Variants in DIAPH2 observed in about 807,000 individuals in gnomAD.
DIAPH2 encodes the protein protein diaphanous homolog 2.
DIAPH2 carries 35 observed loss-of-function variants against 92.7 expected under a neutral mutation model. That is an observed-to-expected ratio of 0.38 (90% CI 0.29 to 0.50). DIAPH2 has a LOEUF of 0.50. Ranked by LOEUF, DIAPH2 falls within the 20% of genes least tolerant of loss-of-function variation. The probability of loss-of-function intolerance (pLI) is 0.94; values close to 1 mark genes in which losing one functional copy is unlikely to be tolerated. For synonymous variants in DIAPH2, 301 were observed against 280.4 expected (o/e 1.07, Z -0.73); for missense variants, 701 against 819.5 (o/e 0.86, Z 1.77).
At chrX:97,057,993 G>A (rs2066569402) in intron 17 of DIAPH2, among the ~76,000 whole-genome samples, 2 of 110,745 alleles carry the variant, frequency 1.8e-5, no homozygotes, top group African/African-American at 6.6e-5. Context: ...AAAAGGTGTG[G>A]TACTTGCTTA....
chrX:97,598,922 T>G (rs914987360), intron 26 of DIAPH2, among the ~76,000 whole-genome samples: 1 of 112,366 alleles, frequency 8.9e-6, no homozygotes, highest in Non-Finnish European at 1.9e-5. Flanking sequence ...GTGCTGTATA[T>G]AGATCTTTTC....
At chrX:97,589,888 GT>G (rs779431427) in intron 26 of DIAPH2, among the ~76,000 whole-genome samples, 6 of 112,322 alleles carry the variant, frequency 5.3e-5, no homozygotes, top group Non-Finnish European at 1.1e-4. Context: ...AAGAAGCTGT[GT>G]TTTAACTGTG....
At chrX:97,146,289 A>G (rs1369664418) in intron 22 of DIAPH2, among the ~76,000 whole-genome samples, 1 of 109,406 alleles carries the variant, frequency 9.1e-6, no homozygotes, top group African/African-American at 3.3e-5. Flanking sequence ...ATGATGGACT[A>G]TCTCTTTGTA....
intron 19 of DIAPH2, among the ~76,000 whole-genome samples, chrX:97,080,555 A>G (rs1377896893): frequency 9.4e-6 from 1 of 106,305 alleles, no homozygotes; most frequent in African/African-American, 3.5e-5. Flanking sequence ...ACTGTACTCA[A>G]TGTGTGGTAT....
intron 21 of DIAPH2, among the ~76,000 whole-genome samples, chrX:97,129,858 A>G (rs910853693): frequency 4.5e-5 from 5 of 110,627 alleles, no homozygotes; most frequent in African/African-American, 9.8e-5. Flanking sequence ...CGTAAATAAT[A>G]TATTTGATAA....
At chrX:96,811,201 T>A (rs1295726583) in intron 4 of DIAPH2, among the ~76,000 whole-genome samples, 4 of 111,518 alleles carry the variant, frequency 3.6e-5, no homozygotes, top group African/African-American at 6.5e-5. Flanking sequence ...CATTGAGCGG[T>A]GGTTGGAGTT....
At chrX:97,378,315 G>A (rs1052006977) in intron 24 of DIAPH2, among the ~76,000 whole-genome samples, 9 of 108,821 alleles carry the variant, frequency 8.3e-5, no homozygotes, top group East Asian at 2.9e-4. Context: ...CCCAGGAGGC[G>A]GAGCTTGCAG....
In DIAPH2 at chrX:96,732,209, C is replaced by T. The variant is rs747791730; in HGVS notation, c.133-3549C>T. Reference sequence around the variant, plus strand: ...GTGTTTCTGTTGTTATTCTCAAGTCCTTTTATACCTTTCTTTTTTGACTAA... The same window carrying T: ...GTGTTTCTGTTGTTATTCTCAAGTCTTTTTATACCTTTCTTTTTTGACTAA... On this transcript the variant is annotated intron_variant, in intron 1 of 26. Transcript: ENST00000324765. Among the ~76,000 whole-genome samples, 38 of 111,381 alleles carry T rather than the reference C, an allele frequency of 3.4e-4. 1 individual carries two copies. Among genetic ancestry groups the T allele is most frequent in the African/African-American group, 5.2e-4 (16 of 30,710 alleles).
chrX:97,304,069 C>G (rs1401338566), intron 23 of DIAPH2, among the ~76,000 whole-genome samples: 1 of 111,761 alleles, frequency 8.9e-6, no homozygotes, highest in African/African-American at 3.2e-5. Context: ...AATGCATTGG[C>G]TATAACACCC....
At chrX:97,250,343 G>C (rs540981856) in intron 23 of DIAPH2, among the ~76,000 whole-genome samples, 8 of 111,848 alleles carry the variant, frequency 7.2e-5, no homozygotes, top group East Asian at 2.8e-4. Flanking sequence ...AAAAGCATTC[G>C]TATGCCTCTG....
chrX:96,766,541 G>T (rs1172788851), intron 4 of DIAPH2, among the ~76,000 whole-genome samples: 1 of 111,421 alleles, frequency 9.0e-6, no homozygotes, highest in Non-Finnish European at 1.9e-5. Context: ...GTACAAAAGG[G>T]CTTTTGCATC....
chrX:96,726,137 A>G (rs2064018755), intron 1 of DIAPH2, among the ~76,000 whole-genome samples: 1 of 112,010 alleles, frequency 8.9e-6, no homozygotes, highest in East Asian at 2.8e-4. Context: ...AAACAAAATT[A>G]TATATACTAA....
At chrX:97,553,210 C>A (rs2071232732) in intron 26 of DIAPH2, among the ~76,000 whole-genome samples, 1 of 112,017 alleles carries the variant, frequency 8.9e-6, no homozygotes, top group South Asian at 3.7e-4. Flanking sequence ...TTCCCTTACA[C>A]CTGCATCAGC....
chrX:97,202,645 C>G (rs1260724006), intron 22 of DIAPH2, among the ~76,000 whole-genome samples: 3 of 112,094 alleles, frequency 2.7e-5, no homozygotes, highest in African/African-American at 9.7e-5. Context: ...GTCCTAAATA[C>G]ATATGCACTC....
At chrX:97,062,006 G>A (rs995478519) in intron 17 of DIAPH2, among the ~76,000 whole-genome samples, 14 of 111,187 alleles carry the variant, frequency 1.3e-4, no homozygotes, top group Non-Finnish European at 2.5e-4. Context: ...TTTAATTAAT[G>A]CATTTTATGC....
At chrX:97,390,208 CTTTTTTTTTTTTTTTT>C (rs142044871) in intron 25 of DIAPH2, among the ~76,000 whole-genome samples, 1 of 33,174 alleles carries the variant, frequency 3.0e-5, no homozygotes, top group African/African-American at 1.3e-4. Context: ...TGCTTTCTGT[CTTTTTTTTTTTTTTTT>C]TTTTTTTTTT....
intron 23 of DIAPH2, among the ~76,000 whole-genome samples, chrX:97,300,029 G>T (rs756510823): frequency 8.9e-6 from 1 of 112,058 alleles, no homozygotes; most frequent in Non-Finnish European, 1.9e-5. Context: ...TAACAAGAAA[G>T]CATGATTATA....
intron 26 of DIAPH2, among the ~76,000 whole-genome samples, chrX:97,460,925 C>T (rs1185446618): frequency 8.9e-6 from 1 of 112,133 alleles, no homozygotes; most frequent in East Asian, 2.8e-4. Flanking sequence ...TGTATGACCT[C>T]GAATAGTTCG....
At chrX:97,333,868 A>G (rs1481374108) in intron 23 of DIAPH2, among the ~76,000 whole-genome samples, 1 of 109,493 alleles carries the variant, frequency 9.1e-6, no homozygotes, top group East Asian at 2.9e-4. Flanking sequence ...CCCGACCCAT[A>G]TTTCTTATAT....
Sources: gnomAD v4.1 joint callset for allele counts (sites outside exome capture counted in the v4.1 genomes callset) on GRCh38, gnomAD v4.1.1 for gene constraint, MANE v1.5 for transcripts, NCBI Gene and HGNC (gene_info 2026-07-23, HGNC 2026-07-21) for gene names.